The following WDR19 variants were observed in gnomAD, a reference collection of about 807,000 sequenced individuals.
The protein encoded by WDR19 is WD repeat domain 19, also known as WD repeat-containing protein 19.
In WDR19, 121 loss-of-function variants were observed where a neutral mutation model predicts 180.0. The observed-to-expected ratio is 0.67, with a 90% CI of 0.58 to 0.78. The LOEUF (loss-of-function observed/expected upper bound fraction) is 0.78, where lower values mean the gene tolerates loss of function less well. WDR19 is among the 30% of genes least tolerant of loss of function. WDR19 has a pLI of 0.00. For missense variants in WDR19, 1,450 were observed against 1,640.7 expected, an observed-to-expected ratio of 0.88 and a Z score of 2.01; for synonymous variants, 497 against 540.7, an observed-to-expected ratio of 0.92 and a Z score of 1.12.
chr4:39,228,769 C>A, intron 17 of WDR19, 79 bp downstream of exon 17: 2 of 1,380,768 alleles, frequency 1.4e-6, no homozygotes, highest in South Asian at 1.7e-5. Flanking sequence ...ATTATTCTAT[C>A]TTATTTTATT....
At chr4:39,238,701 A>T (rs778015556) in intron 20 of WDR19, among the ~76,000 whole-genome samples, 2 of 152,204 alleles carry the variant, frequency 1.3e-5, no homozygotes, top group Non-Finnish European at 2.9e-5. Flanking sequence ...ATGTCCTTGT[A>T]CATTAATAGA....
chr4:39,234,605 T>C (rs1731190383), intron 19 of WDR19, among the ~76,000 whole-genome samples, 161 bp from the exon 20 acceptor site: 1 of 152,198 alleles, frequency 6.6e-6, no homozygotes, highest in African/African-American at 2.4e-5. Flanking sequence ...CAAGACCCTA[T>C]TGAGAATACA....
At chr4:39,241,410 C>T (rs895543353) in intron 21 of WDR19, among the ~76,000 whole-genome samples, 1 of 148,964 alleles carries the variant, frequency 6.7e-6, no homozygotes, top group Non-Finnish European at 1.5e-5. Flanking sequence ...GGGAGAATCG[C>T]TTGAACCCAG....
In WDR19 at chr4:39,228,559, G is replaced by A. The variant is rs1192709374; in HGVS notation, c.1851G>A (p.Glu617=). The change falls in exon 17 of 37, where the codon GAG becomes GAA. Residue 617 remains glutamate (E), a synonymous_variant. Transcript: ENST00000399820. ...AHKPLLLYNG[E]LTCQTQSGKV... is the part of the protein sequence containing the mutation. ...AACCTTTGCTGCTATATAATGGAGAGCTGACCTGCCAAACACAGAGTGGAA... is the reference window on the plus strand; with the variant it reads ...AACCTTTGCTGCTATATAATGGAGAACTGACCTGCCAAACACAGAGTGGAA... 1 of 1,613,914 alleles carries A rather than the reference G, an allele frequency of 6.2e-7. No individual in the cohort carries two copies.
At position 39,217,984 on chromosome 4, in the gene WDR19, T is replaced by C; in HGVS notation, c.1358T>C (p.Ile453Thr). ...CCATTATTATTCTTTACGTTTTAGA[T>C]AGAAAGCGAAATCTTGGATGCTCAA... is the stretch of plus-strand genomic sequence containing the variant. ...LFEGKVQLHL[I>T]ESEILDAQEE... The change falls in exon 14 of 37, where the codon ATA becomes ACA. Residue 453 changes from isoleucine (I) to threonine (T), a missense_variant and splice_region_variant. By Grantham distance (89) the Ile-to-Thr change is moderately conservative. Coordinates refer to ENST00000399820, the MANE Select transcript of WDR19 (RefSeq NM_025132.4). The C allele has an allele frequency of 6.2e-7, 1 of 1,613,640 alleles. No individual in the cohort carries two copies. The highest frequency in any genetic ancestry group is 8.5e-7 in the Non-Finnish European group (1 of 1,179,764).
chr4:39,229,950 C>T lies in WDR19; in HGVS notation c.1982+1260C>T, dbSNP rs957512638. On this transcript the variant is annotated intron_variant, in intron 17 of 36. Transcript: ENST00000399820. The stretch of plus-strand genomic sequence containing the variant: ...AGCTCCTTTCCTCCTCCCGTGTTCC[C>T]TCATCTTTACCCAGGCCCTCACCTG... Among the ~76,000 whole-genome samples, 16 of 152,174 alleles carry T rather than the reference C, an allele frequency of 1.1e-4. 1 individual carries two copies. In the East Asian group the frequency reaches 3.1e-3, roughly 29 times the overall value.
chr4:39,247,765 C>T (rs1037432479), intron 24 of WDR19, among the ~76,000 whole-genome samples: 35 of 150,430 alleles, frequency 2.3e-4, no homozygotes, highest in Non-Finnish European at 2.5e-4. Context: ...CGATGGAAGA[C>T]GAAATGAATG....
intron 24 of WDR19, among the ~76,000 whole-genome samples, chr4:39,250,302 A>G (rs1160705948): frequency 1.3e-5 from 2 of 152,246 alleles, no homozygotes; most frequent in African/African-American, 2.4e-5. Flanking sequence ...GACAAAATTC[A>G]ACAACGCTTC....
chr4:39,255,695 G>A (rs1733678446), intron 26 of WDR19, among the ~76,000 whole-genome samples, 153 bp from the exon 27 acceptor site: 1 of 152,086 alleles, frequency 6.6e-6, no homozygotes, highest in South Asian at 2.1e-4. Flanking sequence ...ATTGTGATAA[G>A]TATGTTTTGT....
At chr4:39,265,593 G>A (rs1021285137) in intron 28 of WDR19, among the ~76,000 whole-genome samples, 1 of 151,846 alleles carries the variant, frequency 6.6e-6, no homozygotes, top group Admixed American at 6.6e-5. Context: ...CCAACATGGT[G>A]AAACCCCGTC....
At chr4:39,255,750 A>T in intron 26 of WDR19, 98 bp from the exon 27 acceptor site, 1 of 551,164 alleles carries the variant, frequency 1.8e-6, no homozygotes, top group Non-Finnish European at 3.1e-6. Flanking sequence ...TGCTGTTAAG[A>T]GTTTTTAATC....
intron 21 of WDR19, among the ~76,000 whole-genome samples, chr4:39,243,386 A>G (rs981495497): frequency 6.6e-6 from 1 of 152,156 alleles, no homozygotes; most frequent in African/African-American, 2.4e-5. Flanking sequence ...TTTTATGTAT[A>G]TTTGATTATT....
At chr4:39,229,308 C>G (rs934088436) in intron 17 of WDR19, among the ~76,000 whole-genome samples, 1 of 152,038 alleles carries the variant, frequency 6.6e-6, no homozygotes, top group Non-Finnish European at 1.5e-5. Flanking sequence ...AAATCCTATT[C>G]AATAGATGGA....
chr4:39,214,529 AT>A, intron 9 of WDR19, 71 bp from the exon 10 acceptor site: 1 of 899,172 alleles, frequency 1.1e-6, no homozygotes, highest in Non-Finnish European at 1.7e-6. Flanking sequence ...ATGGTTTGTA[AT>A]TTTTTGTGAA....
chr4:39,255,163 C>T (rs975032841), intron 26 of WDR19, among the ~76,000 whole-genome samples: 4 of 152,262 alleles, frequency 2.6e-5, no homozygotes, highest in African/African-American at 9.6e-5. Context: ...TTACTACCAC[C>T]ATTTCACTAA....
chr4:39,251,582 G>A (rs1733189741), intron 24 of WDR19, among the ~76,000 whole-genome samples: 1 of 152,036 alleles, frequency 6.6e-6, no homozygotes, highest in Non-Finnish European at 1.5e-5. Flanking sequence ...GCAACCTACA[G>A]AATGGGAGAA....
At chr4:39,273,191 A>T (rs1735553238) in intron 32 of WDR19, 130 bp downstream of exon 32, 1 of 687,808 alleles carries the variant, frequency 1.5e-6, no homozygotes, top group Admixed American at 3.3e-5. Flanking sequence ...ATGAAGTGGT[A>T]TGTCAGGGCC....
chr4:39,276,566 A>C (rs1316931850), intron 33 of WDR19, among the ~76,000 whole-genome samples: 1 of 152,214 alleles, frequency 6.6e-6, no homozygotes, highest in African/African-American at 2.4e-5. Flanking sequence ...AAGTGTTCAA[A>C]TGTGGCTCAT....
intron 4 of WDR19, among the ~76,000 whole-genome samples, chr4:39,192,751 C>T (rs1726299453): frequency 6.6e-6 from 1 of 152,166 alleles, no homozygotes; most frequent in African/African-American, 2.4e-5. Context: ...CGTGAGCCAC[C>T]GTGCCCAGCC....
Sources: gnomAD v4.1 joint callset for allele counts (sites outside exome capture counted in the v4.1 genomes callset) on GRCh38, gnomAD v4.1.1 for gene constraint, MANE v1.5 for transcripts, NCBI Gene and HGNC (gene_info 2026-07-23, HGNC 2026-07-21) for gene names.